Variants in RNF213 observed in about 807,000 individuals in gnomAD.
The protein encoded by RNF213 is E3 ubiquitin-protein ligase RNF213.
A neutral mutation model predicts 514.4 loss-of-function variants in RNF213; 341 were observed. The observed-to-expected ratio is 0.66, with a 90% confidence interval of 0.61 to 0.73. RNF213 has a LOEUF of 0.73. RNF213 is among the 30% of genes least tolerant of loss of function. The pLI, the probability that RNF213 is intolerant of heterozygous loss-of-function variation, is 0.00. For synonymous variants in RNF213, 2,655 were observed against 2,658.2 expected, an observed-to-expected ratio of 1.00 and a Z score of 0.04; for missense variants, 5,767 against 6,615.6, an observed-to-expected ratio of 0.87 and a Z score of 4.45.
chr17:80,376,600 A>G (rs2079771295), intron 52 of RNF213, 57 bp downstream of exon 52: 1 of 1,611,322 alleles, frequency 6.2e-7, no homozygotes, highest in African/African-American at 1.3e-5. Context: ...AGAGCTTGTC[A>G]CTGTAGAGAC....
In RNF213 at chr17:80,290,843, T is replaced by C. The variant is rs527340502; in HGVS notation, c.1271+115T>C. On this transcript the variant is annotated intron_variant, in intron 7 of 67. Transcript: ENST00000582970. ...TTTTTTTTCTGAGACGGAGTCTTGC[T>C]GTGTCACCCAGGCTGGAGTGTGGTG... 1.2e-5 allele frequency: 14 copies of C among 1,214,404 alleles called. No individual in the cohort carries two copies. In the East Asian group the frequency reaches 3.6e-4, roughly 31 times the overall value. 75.2% of individuals were successfully genotyped at this position (1,214,404 alleles called of 1,614,324 possible). A position where few individuals can be genotyped will look rare whatever the true frequency, so the allele number is the denominator to read the frequency against.
Position 80,376,542 on chromosome 17 carries a change from CG to C in RNF213, c.13428+1del. On this transcript the variant is annotated frameshift_variant and splice_region_variant, in exon 52 of 68. Coordinates refer to ENST00000582970, the MANE Select transcript of RNF213 (RefSeq NM_001256071.3). LOFTEE classifies it high-confidence loss of function. The stretch of plus-strand genomic sequence containing the variant: ...CTGGCCTTCTCCCCAGCCACCATGG[CG>C]GTAAGAGTAGGCCACAATTCCATCG... The part of the protein sequence containing the change: ...KNLAFSPATM[A>X]HAFLPTMPED... The C allele has an allele frequency of 6.2e-7, 1 of 1,614,012 alleles. No homozygotes were observed.
In RNF213 at chr17:80,298,381, G is replaced by T. The variant is rs1192536694; in HGVS notation, c.2073G>T (p.Trp691Cys). The T allele has an allele frequency of 1.2e-6, 2 of 1,614,056 alleles. No individual in the cohort carries two copies. Among genetic ancestry groups the T allele is most frequent in the African/African-American group, 2.7e-5 (2 of 74,928 alleles). ...QRCMDTRTYT[W>C]LGALPVLHCC... The stretch of plus-strand genomic sequence containing the variant: ...GCATGGACACAAGGACGTACACCTG[G>T]CTGGGCGCCCTGCCTGTCCTGCACT... The change falls in exon 11 of 68, where the codon TGG becomes TGT. Residue 691 changes from tryptophan to cysteine, a missense_variant. Physicochemically the swap from Trp to Cys is radical, Grantham distance 215. This residue lies in a region of RNF213 where 592 missense variants were observed against 673.9 expected (regional missense o/e 0.88). Coordinates refer to ENST00000582970, the MANE Select transcript of RNF213 (RefSeq NM_001256071.3).
rs747785477 is a variant in RNF213, at chr17:80,340,609, G to GTTTTT, written c.5989+278_5989+282dup. 1.0e-3 allele frequency: 135 copies of GTTTTT among 130,068 alleles called. 3 individuals are homozygous for GTTTTT. The highest frequency in any genetic ancestry group is 4.3e-3 in the Admixed American group (33 of 7,608). 8.1% of individuals were successfully genotyped at this position (130,068 alleles called of 1,614,324 possible). A position where few individuals can be genotyped will look rare whatever the true frequency, so the allele number is the denominator to read the frequency against. On this transcript the variant is annotated intron_variant, in intron 26 of 67. Coordinates refer to ENST00000582970, the MANE Select transcript of RNF213 (RefSeq NM_001256071.3). ...AAACATCTCTGCAGTGTACTTTGTG[G>GTTTTT]TTTTTTTTTTTTTTTTTTTTTTTTT...
Position 80,363,318 on chromosome 17 carries a change from T to G in RNF213, c.11568+4T>G. 1 of 1,613,266 alleles carries G rather than the reference T, an allele frequency of 6.2e-7. No individual in the cohort carries two copies. The highest frequency in any genetic ancestry group is 8.5e-7 in the Non-Finnish European group (1 of 1,179,712). ...TGAGCTGGCTGGATGTGAGATGGTATGGCCCTCCTCCGCCTGCCCTGAGCA... is the reference window on the plus strand; with the variant it reads ...TGAGCTGGCTGGATGTGAGATGGTAGGGCCCTCCTCCGCCTGCCCTGAGCA... On this transcript the variant is annotated splice_donor_region_variant and intron_variant, in intron 40 of 67. Transcript: ENST00000582970.
rs1358284903 is a variant in RNF213, at chr17:80,328,438, C to T, written c.3478C>T (p.Leu1160Phe). Residue 1160 changes from leucine to phenylalanine, a missense_variant, in exon 20 of 68, where the codon CTC (leucine) becomes TTC (phenylalanine). Physicochemically the swap from Leu to Phe is conservative, Grantham distance 22 (BLOSUM62 0). Coordinates refer to ENST00000582970, the MANE Select transcript of RNF213 (RefSeq NM_001256071.3). ...LKKEKRCVDSLLKMCGNVKHL... is the reference protein window; with the variant it reads ...LKKEKRCVDSFLKMCGNVKHL... ...GAAAGAGAAAAGATGTGTTGATAGT[C>T]TCCTGAAGATGTGTGGGAACGTGAA... 3 of 1,537,172 alleles carry T rather than the reference C, an allele frequency of 2.0e-6. No homozygotes were observed. Among genetic ancestry groups the T allele is most frequent in the East Asian group, 2.4e-5 (1 of 40,916 alleles).
At chr17:80,311,530 C>G (rs2045573320) in intron 14 of RNF213, among the ~76,000 whole-genome samples, 1 of 152,228 alleles carries the variant, frequency 6.6e-6, no homozygotes, top group Non-Finnish European at 1.5e-5. Flanking sequence ...GTGCCCAGCC[C>G]CCTCTGCGGG....
intron 59 of RNF213, among the ~76,000 whole-genome samples, chr17:80,384,374 A>C: frequency 6.6e-6 from 1 of 152,198 alleles, no homozygotes; most frequent in Middle Eastern, 3.2e-3. Context: ...GTGCTGGGGT[A>C]CTGGGGAGCA....
At chr17:80,349,495 A>AC (rs1339782242) in intron 29 of RNF213, among the ~76,000 whole-genome samples, 1 of 152,154 alleles carries the variant, frequency 6.6e-6, no homozygotes, top group East Asian at 1.9e-4. Context: ...TCAAGTACGG[A>AC]CCAAGCAGGC....
At chr17:80,279,413 C>T (rs1394142431) in intron 3 of RNF213, among the ~76,000 whole-genome samples, 1 of 152,180 alleles carries the variant, frequency 6.6e-6, no homozygotes, top group African/African-American at 2.4e-5. Flanking sequence ...TCAGTTTAGT[C>T]TCTGGTTTTT....
intron 3 of RNF213, among the ~76,000 whole-genome samples, chr17:80,274,335 G>A (rs1410954395): frequency 6.6e-6 from 1 of 151,422 alleles, no homozygotes; most frequent in Admixed American, 6.6e-5. Flanking sequence ...AGCACTAGGC[G>A]AGGCTTTCGA....
intron 3 of RNF213, 141 bp downstream of exon 3, chr17:80,273,545 C>T: frequency 9.3e-7 from 1 of 1,074,850 alleles, no homozygotes; most frequent in Non-Finnish European, 1.4e-6. Context: ...AGCAGAGCTG[C>T]CCCTTCTGCA....
At chr17:80,266,288 A>G (rs1288094189) in intron 2 of RNF213, among the ~76,000 whole-genome samples, 2 of 151,464 alleles carry the variant, frequency 1.3e-5, no homozygotes, top group African/African-American at 4.9e-5. Flanking sequence ...CAAAAAAAAA[A>G]AAGAAAAAAA....
chr17:80,351,865 T>C, intron 32 of RNF213, 62 bp downstream of exon 32: 1 of 988,958 alleles, frequency 1.0e-6, no homozygotes, highest in South Asian at 1.4e-5. Context: ...TTGTATCTAT[T>C]TATTTTTTGA....
intron 3 of RNF213, among the ~76,000 whole-genome samples, chr17:80,284,750 C>G (rs2044413623): frequency 1.3e-5 from 2 of 152,174 alleles, no homozygotes; most frequent in African/African-American, 4.8e-5. Context: ...TTTCCCGTTA[C>G]TCCCTCGTGC....
At position 80,346,108 on chromosome 17, in the gene RNF213, G is replaced by A; in HGVS notation, c.7773G>A (p.Lys2591=). The A allele has an allele frequency of 6.2e-7, 1 of 1,614,144 alleles. No individual in the cohort carries two copies. The highest frequency in any genetic ancestry group is 1.7e-5 in the Admixed American group (1 of 60,018). ...GACAACTGAGTGACGTTGCTGAAAAGCTCTACATCCAGCAGATTGTCCAGA... is the reference window on the plus strand; with the variant it reads ...GACAACTGAGTGACGTTGCTGAAAAACTCTACATCCAGCAGATTGTCCAGA... The part of the protein sequence containing the change: ...DFGQLSDVAE[K]LYIQQIVQRL... The change falls in exon 29 of 68, where the codon AAG becomes AAA. Residue 2591 remains lysine (K), a synonymous_variant. Transcript: ENST00000582970. This position sits in a 1 kb window ranked among gnomAD's most constrained non-coding sequence, Gnocchi z 8.1.
At position 80,337,605 on chromosome 17, in the gene RNF213, T is replaced by G. The variant is rs1382156978; in HGVS notation, c.4547T>G (p.Leu1516Trp). ...CCATAGTGTGACTCCGCCAGGAACT[T>G]GGAATGGCTGAAGACTGTGAATGAG... The part of the protein sequence containing the change: ...PRKLCDSARN[L>W]EWLKTVNESH... Residue 1516 changes from leucine (L) to tryptophan (W), a missense_variant, in exon 24 of 68, where the codon TTG becomes TGG. By Grantham distance (61) the Leu-to-Trp change is moderately conservative. Around this residue, in one of 13 missense-constraint regions of RNF213, gnomAD observed 1,377 missense variants for 1,635.2 expected, o/e 0.84. Transcript: ENST00000582970. 1 of 1,537,152 alleles carries G rather than the reference T, an allele frequency of 6.5e-7. No homozygotes were observed. Among genetic ancestry groups the G allele is most frequent in the Non-Finnish European group, 8.7e-7 (1 of 1,146,916 alleles).
chr17:80,343,341 C>G lies in RNF213; in HGVS notation c.6183+16C>G. 6.2e-7 allele frequency: 1 copy of G among 1,605,970 alleles called. No individual in the cohort carries two copies. The highest frequency in any genetic ancestry group is 8.5e-7 in the Non-Finnish European group (1 of 1,176,154). ...GACCTCCTCAGTAAGTGCCCTCCAGCGTCAGCCGATGGCCACATCAGTAAA... is the reference window on the plus strand; with the variant it reads ...GACCTCCTCAGTAAGTGCCCTCCAGGGTCAGCCGATGGCCACATCAGTAAA... On this transcript the variant is annotated intron_variant, in intron 27 of 67. Coordinates refer to ENST00000582970, the MANE Select transcript of RNF213 (RefSeq NM_001256071.3). The surrounding 1 kb of genome is among the most constrained non-coding windows in gnomAD (Gnocchi z 4.3).
intron 3 of RNF213, among the ~76,000 whole-genome samples, chr17:80,276,061 CTTTA>C (rs541486971): frequency 0.02 from 3,000 of 150,850 alleles, 55 homozygotes; most frequent in East Asian, 0.11. Context: ...GGAACATAGA[CTTTA>C]TTTATTTATT....
Sources: gnomAD v4.1 joint callset for allele counts (sites outside exome capture counted in the v4.1 genomes callset) on GRCh38, gnomAD v4.1.1 for gene constraint, gnomAD v4.1.1 regional missense constraint, Gnocchi (gnomAD v3.1) non-coding constraint, MANE v1.5 for transcripts, NCBI Gene and HGNC (gene_info 2026-07-23, HGNC 2026-07-21) for gene names.